The following SRRM1 variants were observed in gnomAD, a reference collection of about 807,000 sequenced individuals.
SRRM1 encodes the protein serine and arginine repetitive matrix 1, also known as serine/arginine repetitive matrix protein 1.
A neutral mutation model predicts 110.2 loss-of-function variants in SRRM1; 19 were observed. The ratio of observed to expected loss-of-function variants is 0.17; its 90% confidence interval spans 0.12 to 0.25. The LOEUF is 0.25. SRRM1 is among the 10% of genes least tolerant of loss of function. The pLI, the probability that SRRM1 is intolerant of heterozygous loss-of-function variation, is 1.00. For synonymous variants in SRRM1, 443 were observed against 414.9 expected, an observed-to-expected ratio of 1.07 and a Z score of -0.82; for missense variants, 918 against 1,145.8, an observed-to-expected ratio of 0.80 and a Z score of 2.87.
At chr1:24,661,523 G>A (rs949795617) in intron 11 of SRRM1, 127 bp downstream of exon 11, 2 of 615,260 alleles carry the variant, frequency 3.3e-6, no homozygotes, top group Admixed American at 7.1e-5. Flanking sequence ...GAGGAGGCAG[G>A]ATTGTTTCTT....
chr1:24,649,155 C>A, intron 4 of SRRM1, 126 bp downstream of exon 4: 2 of 817,698 alleles, frequency 2.4e-6, no homozygotes, highest in Non-Finnish European at 3.7e-6. Context: ...TGTATTTAAA[C>A]ATTCAGTTTT....
chr1:24,657,259 G>C (rs1320638536), intron 9 of SRRM1, among the ~76,000 whole-genome samples: 2 of 152,276 alleles, frequency 1.3e-5, no homozygotes, highest in East Asian at 3.9e-4. Context: ...AAATTTCAGA[G>C]CTAGAAAAGA....
intron 12 of SRRM1, among the ~76,000 whole-genome samples, chr1:24,665,732 GAGCCTGGTTTTGAATATTTT>G (rs1163977511): frequency 6.6e-6 from 1 of 152,188 alleles, no homozygotes; most frequent in Non-Finnish European, 1.5e-5. Flanking sequence ...AGGGGAGATA[GAGCCTGGTTTTGAATATTTT>G]ATATGTATTT....
In SRRM1 at chr1:24,652,758, ATTTGAGGACACTT is replaced by A. The variant is rs1661725900; in HGVS notation, c.920+133_921-140del. 6.9e-6 allele frequency: 9 copies of A among 1,303,950 alleles called. No homozygotes were observed. In the South Asian group the frequency reaches 1.5e-4, roughly 21 times the overall value. 80.8% of individuals were successfully genotyped at this position (1,303,950 alleles called of 1,614,324 possible). A position where few individuals can be genotyped will look rare whatever the true frequency, so the allele number is the denominator to read the frequency against. ...AATATTTTTTGAATGTACACAGAGA[ATTTGAGGACACTT>A]TTCTGTGTACCATAAAAATCTACAT... On this transcript the variant is annotated intron_variant, in intron 7 of 16. Coordinates refer to ENST00000323848, the MANE Select transcript of SRRM1 (RefSeq NM_005839.4).
Position 24,658,208 on chromosome 1 carries a change from A to ATTTTTT in SRRM1, c.1316-2497_1316-2492dup, listed in dbSNP as rs573100578. 4.8e-3 allele frequency among the ~76,000 whole-genome samples: 661 copies of ATTTTTT among 137,458 alleles called. 8 individuals carry two copies. Among genetic ancestry groups the ATTTTTT allele is most frequent in the African/African-American group, 0.018 (626 of 35,032 alleles). The allele number at this position is 137,458 out of a possible 152,430, so 90.2% of individuals were successfully genotyped here. Reference sequence around the variant, plus strand: ...AAATGATAGTTGTTTGATGGTATAAATTTTTTTTTTTTTTTTTTTGGAGAC... The same window carrying ATTTTTT: ...AAATGATAGTTGTTTGATGGTATAAATTTTTTTTTTTTTTTTTTTTTTTTTGGAGAC... On this transcript the variant is annotated intron_variant, in intron 9 of 16. Coordinates refer to ENST00000323848, the MANE Select transcript of SRRM1 (RefSeq NM_005839.4).
intron 11 of SRRM1, among the ~76,000 whole-genome samples, chr1:24,661,611 T>C (rs1220386841): frequency 2.0e-5 from 3 of 152,154 alleles, no homozygotes; most frequent in South Asian, 4.1e-4. Flanking sequence ...TAGGATACAA[T>C]AGTGAAACAG....
intron 12 of SRRM1, chr1:24,663,311 CT>C: frequency 9.8e-7 from 1 of 1,021,400 alleles, no homozygotes; most frequent in East Asian, 2.7e-5. Flanking sequence ...TCATCTCATT[CT>C]TAAATATATG....
rs901217926 is a variant in SRRM1 at position 24,654,909 on chromosome 1, T to G, written c.1095T>G (p.Ser365=). The stretch of plus-strand genomic sequence containing the variant: ...GGAGTAGCTCATCATCCTCTTCATC[T>G]CGTTCACGGTCACCACCAAAGAAGC... ...LSGSSSSSSS[S]RSRSPPKKPP... The change falls in exon 9 of 17, where the codon TCT becomes TCG. Residue 365 remains serine (S), a synonymous_variant. Transcript: ENST00000323848. 2 of 1,614,190 alleles carry G rather than the reference T, an allele frequency of 1.2e-6. No homozygotes were observed. The highest frequency in any genetic ancestry group is 3.3e-5 in the Admixed American group (2 of 60,022).
chr1:24,661,240 T>C lies in SRRM1; in HGVS notation c.1397-70T>C, dbSNP rs577828638. ...CAAATGAAGGTTTGAGAGACTATTT[T>C]CCTATTCAAATTGCAAATTTTCTAT... On this transcript the variant is annotated intron_variant, in intron 10 of 16. Coordinates refer to ENST00000323848, the MANE Select transcript of SRRM1 (RefSeq NM_005839.4). The C allele has an allele frequency of 1.6e-5, 17 of 1,092,050 alleles. No homozygotes were observed. In the East Asian group the frequency reaches 3.8e-4, roughly 25 times the overall value. 67.6% of individuals were successfully genotyped at this position (1,092,050 alleles called of 1,614,324 possible).
chr1:24,647,840 G>A (rs1658451765), intron 3 of SRRM1: 2 of 152,258 alleles, frequency 1.3e-5, no homozygotes, highest in Non-Finnish European at 2.9e-5. Flanking sequence ...TTTAAATGAT[G>A]ATTGAAGATA....
intron 12 of SRRM1, among the ~76,000 whole-genome samples, chr1:24,665,529 C>T (rs1374465795): frequency 1.3e-4 from 19 of 151,722 alleles, no homozygotes; most frequent in African/African-American, 3.1e-4. Context: ...CTGGCTAACA[C>T]GGTGAAACCC....
chr1:24,647,385 T>TTC (rs1658214837), intron 3 of SRRM1: 2 of 152,506 alleles, frequency 1.3e-5, no homozygotes, highest in African/African-American at 4.8e-5. Flanking sequence ...GGAACTAAGG[T>TTC]CTTTGTAGCT....
chr1:24,648,781 T>G, intron 3 of SRRM1, 78 bp from the exon 4 acceptor site: 151 of 1,313,190 alleles, frequency 1.1e-4, no homozygotes, highest in Middle Eastern at 2.7e-4. Context: ...CTAATTTAAA[T>G]GAGTTTTAGG....
chr1:24,670,326 G>A lies in SRRM1; in HGVS notation c.2400+11G>A. Reference sequence around the variant, plus strand: ...CCATCACCGCCAAGAGTATGTGTCTGCCTTATTTTGGACACCCTTTTATAA... The same window carrying A: ...CCATCACCGCCAAGAGTATGTGTCTACCTTATTTTGGACACCCTTTTATAA... On this transcript the variant is annotated intron_variant, in intron 15 of 16. Coordinates refer to ENST00000323848, the MANE Select transcript of SRRM1 (RefSeq NM_005839.4). 1 of 1,589,868 alleles carries A rather than the reference G, an allele frequency of 6.3e-7. No individual in the cohort carries two copies. Among genetic ancestry groups the A allele is most frequent in the African/African-American group, 1.4e-5 (1 of 73,612 alleles).
intron 11 of SRRM1, among the ~76,000 whole-genome samples, chr1:24,662,404 C>T (rs980263416): frequency 3.3e-5 from 5 of 152,284 alleles, no homozygotes; most frequent in African/African-American, 9.6e-5. Flanking sequence ...GGTGAGCCAC[C>T]GTGCCCAGCT....
At chr1:24,659,377 G>A (rs1665983338) in intron 9 of SRRM1, among the ~76,000 whole-genome samples, 1 of 152,194 alleles carries the variant, frequency 6.6e-6, no homozygotes, top group Admixed American at 6.5e-5. Context: ...TAAATGAGAT[G>A]TATCTGTATT....
At chr1:24,665,323 G>A (rs1669375434) in intron 12 of SRRM1, among the ~76,000 whole-genome samples, 1 of 152,122 alleles carries the variant, frequency 6.6e-6, no homozygotes, top group African/African-American at 2.4e-5. Context: ...CAGCTACTCG[G>A]GAGGCTCAGG....
intron 1 of SRRM1, among the ~76,000 whole-genome samples, chr1:24,645,090 A>G (rs946195362): frequency 1.3e-5 from 2 of 152,210 alleles, no homozygotes; most frequent in Non-Finnish European, 2.9e-5. Context: ...AACTTCTTCC[A>G]CATGCCAGAT....
intron 9 of SRRM1, among the ~76,000 whole-genome samples, chr1:24,656,302 G>C (rs936610069): frequency 6.6e-6 from 1 of 152,216 alleles, no homozygotes; most frequent in Non-Finnish European, 1.5e-5. Context: ...CTGACAGAGT[G>C]AAAGGGTGAC....
Sources: gnomAD v4.1 joint callset for allele counts (sites outside exome capture counted in the v4.1 genomes callset) on GRCh38, gnomAD v4.1.1 for gene constraint, MANE v1.5 for transcripts, NCBI Gene and HGNC (gene_info 2026-07-23, HGNC 2026-07-21) for gene names.